The following LAMA1 variants were observed in gnomAD, a reference collection of about 807,000 sequenced individuals.
LAMA1 encodes laminin subunit alpha-1.
In LAMA1, 219 loss-of-function variants were observed where a neutral mutation model predicts 348.7. That is an observed-to-expected ratio of 0.63 (90% CI 0.56 to 0.70). The LOEUF (loss-of-function observed/expected upper bound fraction) is 0.70, where lower values mean the gene tolerates loss of function less well. Ranked by LOEUF, LAMA1 falls within the 30% of genes least tolerant of loss-of-function variation. The pLI, the probability that LAMA1 is intolerant of heterozygous loss-of-function variation, is 0.00. For synonymous variants in LAMA1, 1,487 were observed against 1,491.0 expected, an observed-to-expected ratio of 1.00 and a Z score of 0.06; for missense variants, 3,744 against 3,888.0, an observed-to-expected ratio of 0.96 and a Z score of 0.99.
At position 7,032,319 on chromosome 18, in the gene LAMA1, G is replaced by C. The variant is rs1186973641; in HGVS notation, c.2164-143C>G. 4 of 700,578 alleles carry C rather than the reference G, an allele frequency of 5.7e-6. No homozygotes were observed. The African/African-American group carries it at 7.0e-5, about 12-fold the overall frequency. 43.4% of individuals were successfully genotyped at this position (700,578 alleles called of 1,614,324 possible). A position where few individuals can be genotyped will look rare whatever the true frequency, so the allele number is the denominator to read the frequency against. Reference sequence around the variant, plus strand: ...GCTACACAATTCACCCATTTTAAGTGTACAATTCAATGACTTTTAGTAAAA... The same window carrying C: ...GCTACACAATTCACCCATTTTAAGTCTACAATTCAATGACTTTTAGTAAAA... On this transcript the variant is annotated intron_variant, in intron 15 of 62. Coordinates refer to ENST00000389658, the MANE Select transcript of LAMA1 (RefSeq NM_005559.4).
chr18:7,010,214 C>A lies in LAMA1; in HGVS notation c.3859G>T (p.Val1287Leu), dbSNP rs749543069. The A allele has an allele frequency of 2.5e-6, 4 of 1,614,054 alleles. No individual in the cohort carries two copies. The African/African-American group carries it at 4.0e-5, about 16-fold the overall frequency. Residue 1287 changes from valine to leucine, a missense_variant, in exon 26 of 63, where the codon GTA becomes TTA. By Grantham distance (32) the Val-to-Leu change is conservative. Around this residue, in one of 3 missense-constraint regions of LAMA1, gnomAD observed 1,529 missense variants for 1,689.4 expected, o/e 0.91. Transcript: ENST00000389658. ...PENGVRQEQE[V>L]AMRENFWKYF... ...CCCATTATCACCTCTCTCATTGCTA[C>A]TTCTTGTTCCTGTCTCACTCCATTC...
intron 56 of LAMA1, 86 bp downstream of exon 56, chr18:6,956,550 A>G: frequency 6.3e-7 from 1 of 1,592,906 alleles, no homozygotes; most frequent in Non-Finnish European, 8.6e-7. Context: ...AGGCACCTTT[A>G]CAGCAAGGCC....
chr18:7,068,726 G>A (rs896043382), intron 3 of LAMA1, among the ~76,000 whole-genome samples: 2 of 151,602 alleles, frequency 1.3e-5, no homozygotes, highest in South Asian at 4.2e-4. Context: ...TTTTAAAAAC[G>A]TTGTTACAGC....
rs201808882 is a variant in LAMA1, at chr18:7,010,315, T to C, written c.3758A>G (p.Asn1253Ser). The part of the protein sequence containing the change: ...FYSLDGVGTS[N>S]FEPQVLIKGG... ...TTTGATGAGAACTTGAGGCTCAAAA[T>C]TGGAGGTGCCGACGCCATCCAAAGA... is the stretch of plus-strand genomic sequence containing the variant. Residue 1253 changes from asparagine to serine, a missense_variant, in exon 26 of 63, where the codon AAT becomes AGT. By Grantham distance (46) the Asn-to-Ser change is conservative (BLOSUM62 1). Transcript: ENST00000389658. The C allele has an allele frequency of 3.1e-6, 5 of 1,614,156 alleles. No homozygotes were observed. Among genetic ancestry groups the C allele is most frequent in the Middle Eastern group, 1.6e-4 (1 of 6,062 alleles).
chr18:6,979,483 C>T (rs899006195), intron 42 of LAMA1, among the ~76,000 whole-genome samples: 1 of 152,130 alleles, frequency 6.6e-6, no homozygotes. Flanking sequence ...ATCTGGGCAA[C>T]ATAGCAAGAC....
intron 1 of LAMA1, 36 bp downstream of exon 1, chr18:7,117,624 G>T (rs334406): frequency 6.3e-7 from 1 of 1,587,622 alleles, no homozygotes. Context: ...GCCCGCCTGC[G>T]GGGGACAGGG....
chr18:6,979,576 A>C (rs2057698786), intron 42 of LAMA1, among the ~76,000 whole-genome samples: 1 of 152,220 alleles, frequency 6.6e-6, no homozygotes, highest in South Asian at 2.1e-4. Context: ...AGCACGATTC[A>C]TTTGTATTAC....
At chr18:7,033,193 G>A (rs541896775) in intron 14 of LAMA1, 98 bp from the exon 15 acceptor site, 65 of 907,572 alleles carry the variant, frequency 7.2e-5, no homozygotes, top group South Asian at 1.1e-4. Flanking sequence ...CCGGCCGGGC[G>A]CAGTGGCTCA....
intron 3 of LAMA1, among the ~76,000 whole-genome samples, chr18:7,073,544 G>A (rs1055102879): frequency 3.3e-5 from 5 of 152,116 alleles, no homozygotes; most frequent in Non-Finnish European, 7.4e-5. Context: ...TTCATTTAGC[G>A]TAATGTTTCC....
Position 6,942,215 on chromosome 18 carries a change from C to A in LAMA1, c.9092G>T (p.Arg3031Leu), listed in dbSNP as rs561707401. 1.9e-6 allele frequency: 3 copies of A among 1,614,046 alleles called. No homozygotes were observed. The change falls in exon 63 of 63, where the codon CGC becomes CTC. Residue 3031 changes from arginine (R) to leucine (L), a missense_variant. Physicochemically the swap from Arg to Leu is moderately radical, Grantham distance 102. This residue lies in a region of LAMA1 where 232 missense variants were observed against 264.4 expected (regional missense o/e 0.88). Transcript: ENST00000389658. ...YPAGVKQKCLRSQTSFRGCLR... is the reference protein window; with the variant it reads ...YPAGVKQKCLLSQTSFRGCLR... ...ACACCCGCGGAACGAGGTCTGGCTG[C>A]GCAGGCATTTTTGCTTCACACCAGC...
chr18:7,024,231 C>T (rs1349571396), intron 18 of LAMA1, 149 bp downstream of exon 18: 1 of 649,834 alleles, frequency 1.5e-6, no homozygotes, highest in East Asian at 2.8e-5. Flanking sequence ...AATTTTAAAA[C>T]ATGAAATACT....
chr18:6,944,991 A>C (rs1006582663), intron 61 of LAMA1, among the ~76,000 whole-genome samples: 7 of 152,236 alleles, frequency 4.6e-5, no homozygotes, highest in African/African-American at 1.7e-4. Context: ...TGTATAATAC[A>C]ACAGAAAATT....
intron 36 of LAMA1, among the ~76,000 whole-genome samples, chr18:6,991,389 CTTTTTTTT>C (rs34001050): frequency 8.4e-6 from 1 of 118,478 alleles, no homozygotes; most frequent in Non-Finnish European, 1.7e-5. Flanking sequence ...ACTTCTTCTT[CTTTTTTTT>C]TTTTTTTTTT....
At chr18:6,989,291 G>A (rs892368502) in intron 36 of LAMA1, among the ~76,000 whole-genome samples, 11 of 152,100 alleles carry the variant, frequency 7.2e-5, no homozygotes, top group African/African-American at 2.4e-4. Context: ...CCATCTGGCT[G>A]GACTTCCTTA....
chr18:6,991,876 A>G (rs543485449), intron 36 of LAMA1, among the ~76,000 whole-genome samples: 1 of 152,374 alleles, frequency 6.6e-6, no homozygotes, highest in East Asian at 1.9e-4. Flanking sequence ...TCACATGACT[A>G]TATCATTTCA....
At chr18:7,034,756 C>A (rs558246171) in intron 13 of LAMA1, 66 bp from the exon 14 acceptor site, 18 of 1,488,366 alleles carry the variant, frequency 1.2e-5, no homozygotes, top group South Asian at 9.4e-5. Context: ...AAAATAAAAT[C>A]AAATTTTGTA....
chr18:6,988,808 TAAAAAAAAA>T (rs1169877701), intron 36 of LAMA1, among the ~76,000 whole-genome samples: 14 of 100,474 alleles, frequency 1.4e-4, no homozygotes, highest in African/African-American at 5.2e-4. Context: ...TCCGTCTCAA[TAAAAAAAAA>T]AAAAAAAAAA....
chr18:7,051,168 T>C (rs753307205), intron 3 of LAMA1, among the ~76,000 whole-genome samples: 22 of 152,172 alleles, frequency 1.4e-4, no homozygotes, highest in Non-Finnish European at 2.6e-4. Context: ...ATATAATGGA[T>C]GGTAACAATA....
At chr18:7,019,926 C>G (rs1160375927) in intron 19 of LAMA1, among the ~76,000 whole-genome samples, 1 of 151,940 alleles carries the variant, frequency 6.6e-6, no homozygotes, top group Non-Finnish European at 1.5e-5. Flanking sequence ...AGGTGATCCA[C>G]CTGCCTCAGC....
Sources: gnomAD v4.1 joint callset for allele counts (sites outside exome capture counted in the v4.1 genomes callset) on GRCh38, gnomAD v4.1.1 for gene constraint, gnomAD v4.1.1 regional missense constraint, MANE v1.5 for transcripts, NCBI Gene and HGNC (gene_info 2026-07-23, HGNC 2026-07-21) for gene names.